Variants in VAC14 observed in about 807,000 individuals in gnomAD.
The protein encoded by VAC14 is VAC14 component of PIKFYVE complex.
In VAC14, 47 loss-of-function variants were observed where a neutral mutation model predicts 85.3. The observed-to-expected ratio is 0.55, with a 90% confidence interval of 0.44 to 0.70. The LOEUF (loss-of-function observed/expected upper bound fraction) is 0.70. VAC14 is among the 30% of genes least tolerant of loss of function. The probability of loss-of-function intolerance (pLI) is 0.00; values close to 1 mark genes in which losing one functional copy is unlikely to be tolerated. For synonymous variants in VAC14, 447 were observed against 430.5 expected (o/e 1.04, Z -0.47); for missense variants, 861 against 1,004.3 (o/e 0.86, Z 1.93).
At chr16:70,740,762 C>T (rs890027170) in intron 13 of VAC14, among the ~76,000 whole-genome samples, 2 of 152,248 alleles carry the variant, frequency 1.3e-5, no homozygotes, top group Non-Finnish European at 2.9e-5. Flanking sequence ...ACTCTCTCCC[C>T]GATTCTGCGG....
chr16:70,768,876 C>T, intron 10 of VAC14: 1 of 450,660 alleles, frequency 2.2e-6, no homozygotes, highest in Non-Finnish European at 4.4e-6. Flanking sequence ...TCTCGGCTCA[C>T]TGAAACCTCC....
At chr16:70,755,162 G>T in intron 12 of VAC14, 1 of 294,508 alleles carries the variant, frequency 3.4e-6, no homozygotes, top group Non-Finnish European at 6.8e-6. Context: ...CTGGCCACCG[G>T]CCTCAGCGCT....
At chr16:70,730,679 C>T (rs1036893516) in intron 14 of VAC14, among the ~76,000 whole-genome samples, 3 of 147,308 alleles carry the variant, frequency 2.0e-5, no homozygotes, top group Non-Finnish European at 3.0e-5. Context: ...CTCACTGCAA[C>T]GTCCACCTCC....
At chr16:70,738,386 C>T (rs1031463177) in intron 13 of VAC14, among the ~76,000 whole-genome samples, 1 of 152,182 alleles carries the variant, frequency 6.6e-6, no homozygotes, top group South Asian at 2.1e-4. Flanking sequence ...TCAATCATAG[C>T]CAGGAGACTT....
At chr16:70,794,426 T>A (rs1476873408) in intron 1 of VAC14, among the ~76,000 whole-genome samples, 1 of 152,166 alleles carries the variant, frequency 6.6e-6, no homozygotes, top group Admixed American at 6.5e-5. Flanking sequence ...AGCATAATGT[T>A]TTCAAGGGGC....
rs142331904 is a variant in VAC14, at chr16:70,697,121, C to T, written c.1955+18G>A. The T allele has an allele frequency of 7.5e-4, 1,206 of 1,604,238 alleles. 9 individuals carry two copies. In the African/African-American group the frequency reaches 0.014, roughly 19 times the overall value. On this transcript the variant is annotated intron_variant, in intron 16 of 18. Coordinates refer to ENST00000261776, the MANE Select transcript of VAC14 (RefSeq NM_018052.5). The stretch of plus-strand genomic sequence containing the variant: ...CCCCTCAGAGGCTCAACCCCAACCA[C>T]AGTGAGAGGAAGGATACAACTTCTG...
In VAC14 at chr16:70,687,524, T is replaced by TACACACAC. The variant is rs3833084; in HGVS notation, c.*396_*403dup. On this transcript the variant is annotated 3_prime_UTR_variant, in exon 19 of 19. Transcript: ENST00000261776. ...GTGCTGGTGCCTACGTGCATACAAG[T>TACACACAC]ACACACACACACACACACACACAGG... The TACACACAC allele has an allele frequency of 1.3e-5, 2 of 153,964 alleles. No homozygotes were observed. The highest frequency in any genetic ancestry group is 4.9e-5 in the African/African-American group (2 of 40,600). 9.5% of individuals were successfully genotyped at this position (153,964 alleles called of 1,614,324 possible). A position where few individuals can be genotyped will look rare whatever the true frequency, so the allele number is the denominator to read the frequency against.
chr16:70,795,648 C>T (rs1013728580), intron 1 of VAC14, among the ~76,000 whole-genome samples: 1 of 152,240 alleles, frequency 6.6e-6, no homozygotes, highest in Non-Finnish European at 1.5e-5. Context: ...TCGCCTCCCC[C>T]ACAGCCAGCA....
At chr16:70,789,555 G>A (rs200589276) in intron 1 of VAC14, among the ~76,000 whole-genome samples, 8 of 152,348 alleles carry the variant, frequency 5.3e-5, no homozygotes, top group South Asian at 2.1e-4. Context: ...CGGGAGGCCC[G>A]GGTTCGATTC....
At chr16:70,797,824 T>G (rs2034608319) in intron 1 of VAC14, among the ~76,000 whole-genome samples, 1 of 152,172 alleles carries the variant, frequency 6.6e-6, no homozygotes, top group Admixed American at 6.5e-5. Flanking sequence ...ACCTCCCTGC[T>G]CACTCTCTTT....
At chr16:70,690,765 C>G (rs1447347649) in intron 18 of VAC14, 4 of 985,560 alleles carry the variant, frequency 4.1e-6, no homozygotes, top group Non-Finnish European at 4.8e-6. Context: ...GGGCCCCACC[C>G]TGCAATCTGA....
At chr16:70,737,756 G>C (rs1383481243) in intron 13 of VAC14, among the ~76,000 whole-genome samples, 2 of 152,214 alleles carry the variant, frequency 1.3e-5, no homozygotes, top group African/African-American at 2.4e-5. Flanking sequence ...GGGATGTTTT[G>C]GATTGAGTTT....
chr16:70,758,805 G>T (rs1458980235), intron 12 of VAC14, among the ~76,000 whole-genome samples: 1 of 152,202 alleles, frequency 6.6e-6, no homozygotes, highest in Non-Finnish European at 1.5e-5. Flanking sequence ...AAAACAATCA[G>T]ATCTCTAGCT....
chr16:70,694,762 T>G, intron 17 of VAC14, among the ~76,000 whole-genome samples: 1 of 152,192 alleles, frequency 6.6e-6, no homozygotes, highest in Non-Finnish European at 1.5e-5. Context: ...AGCTGCCACT[T>G]TTGCACATTC....
intron 14 of VAC14, among the ~76,000 whole-genome samples, chr16:70,709,742 G>GCTA (rs2053990808): frequency 6.6e-6 from 1 of 152,240 alleles, no homozygotes. Context: ...AGTCAGGCCA[G>GCTA]CTACTGCCTG....
intron 9 of VAC14, among the ~76,000 whole-genome samples, chr16:70,775,857 C>CT (rs1286748540): frequency 1.3e-5 from 2 of 152,234 alleles, no homozygotes; most frequent in Non-Finnish European, 2.9e-5. Flanking sequence ...CTCTCCTGTG[C>CT]TTTCATGCAG....
Position 70,783,563 on chromosome 16 carries a change from G to A in VAC14, c.595-9C>T, listed in dbSNP as rs2033914110. 1.2e-6 allele frequency: 2 copies of A among 1,612,886 alleles called. No individual in the cohort carries two copies. Among genetic ancestry groups the A allele is most frequent in the Non-Finnish European group, 1.7e-6 (2 of 1,179,876 alleles). On this transcript the variant is annotated splice_polypyrimidine_tract_variant and intron_variant, in intron 5 of 18. Transcript: ENST00000261776. The stretch of plus-strand genomic sequence containing the variant: ...GACTCCAGAACCAGGATCTGACCAG[G>A]GGAAGGGAACAGGAGGGGAAGTCAG...
intron 14 of VAC14, among the ~76,000 whole-genome samples, chr16:70,701,593 C>T (rs1049423771): frequency 2.0e-5 from 3 of 152,184 alleles, no homozygotes; most frequent in African/African-American, 4.8e-5. Flanking sequence ...CTCCCCATGT[C>T]TCAGGATCTG....
chr16:70,689,407 C>T lies in VAC14; in HGVS notation c.2187-1317G>A, dbSNP rs551142312. ...GAGACAAAAAGGAGCTCCCCCAAAACGAACTCTTGGCCATGAGTTCAGTCC... is the reference window on the plus strand; with the variant it reads ...GAGACAAAAAGGAGCTCCCCCAAAATGAACTCTTGGCCATGAGTTCAGTCC... On this transcript the variant is annotated intron_variant, in intron 18 of 18. Coordinates refer to ENST00000261776, the MANE Select transcript of VAC14 (RefSeq NM_018052.5). 1.0e-5 allele frequency: 10 copies of T among 985,384 alleles called. No individual in the cohort carries two copies. The African/African-American group carries it at 1.2e-4, about 12-fold the overall frequency. The allele number at this position is 985,384 out of a possible 1,614,324, so 61.0% of individuals were successfully genotyped here. A position where few individuals can be genotyped will look rare whatever the true frequency, so the allele number is the denominator to read the frequency against.
Sources: allele counts gnomAD v4.1 joint callset (sites outside exome capture counted in the v4.1 genomes callset), GRCh38; gene constraint gnomAD v4.1.1; transcripts MANE v1.5; gene names NCBI Gene and HGNC (gene_info 2026-07-23, HGNC 2026-07-21).